MTMR8: variants seen among roughly 807,000 people sequenced by gnomAD.
The protein encoded by MTMR8 is myotubularin related protein 8, also known as phosphatidylinositol-3,5-bisphosphate 3-phosphatase MTMR8.
A neutral mutation model predicts 39.3 loss-of-function variants in MTMR8; 65 were observed. The ratio of observed to expected loss-of-function variants is 1.65; its 90% CI spans 1.35 to 2.03. The LOEUF (loss-of-function observed/expected upper bound fraction) is 2.03. Ranked by LOEUF, MTMR8 falls within the 30% of genes most tolerant of loss-of-function variation. The probability of loss-of-function intolerance (pLI) is 0.00; values close to 1 mark genes in which losing one functional copy is unlikely to be tolerated. For synonymous variants in MTMR8, 245 were observed against 185.2 expected (o/e 1.32, Z -2.62); for missense variants, 777 against 538.9 (o/e 1.44, Z -4.37).
chrX:64,395,096 G>C (rs765274858), intron 1 of MTMR8, among the ~76,000 whole-genome samples: 13 of 112,166 alleles, frequency 1.2e-4, no homozygotes, highest in Admixed American at 2.8e-4. Context: ...AGGAGCGGGG[G>C]CGGCGTCGCG....
chrX:64,295,468 A>C (rs1254358545), intron 12 of MTMR8, among the ~76,000 whole-genome samples: 1 of 111,516 alleles, frequency 9.0e-6, no homozygotes, highest in African/African-American at 3.3e-5. Flanking sequence ...AAATTGATAA[A>C]CTGTACTTTA....
intron 12 of MTMR8, among the ~76,000 whole-genome samples, chrX:64,285,338 C>T (rs914090845): frequency 1.8e-5 from 2 of 111,140 alleles, no homozygotes; most frequent in Non-Finnish European, 3.8e-5. Context: ...CCTTAGAGAC[C>T]TATAAAGAGA....
chrX:64,343,467 G>T (rs953336275), intron 8 of MTMR8, 144 bp downstream of exon 8: 1 of 407,984 alleles, frequency 2.5e-6, no homozygotes, highest in African/African-American at 2.5e-5. Context: ...AAAGAGACTT[G>T]CCCAAGGGCA....
intron 12 of MTMR8, among the ~76,000 whole-genome samples, chrX:64,288,572 T>C (rs925672776): frequency 3.6e-5 from 4 of 111,692 alleles, no homozygotes; most frequent in Non-Finnish European, 7.5e-5. Flanking sequence ...TGCAAACATA[T>C]GTTTATTGCG....
At chrX:64,292,023 A>G (rs1437402248) in intron 12 of MTMR8, among the ~76,000 whole-genome samples, 1 of 111,958 alleles carries the variant, frequency 8.9e-6, no homozygotes, top group East Asian at 2.8e-4. Flanking sequence ...GGGTTACCCC[A>G]GATCCCATAA....
chrX:64,280,479 C>T (rs750373046), intron 12 of MTMR8, among the ~76,000 whole-genome samples: 3 of 111,698 alleles, frequency 2.7e-5, no homozygotes, highest in South Asian at 3.8e-4. Context: ...GCAGAAAAGG[C>T]CTTCGATAAA....
chrX:64,282,144 C>A (rs1457787534), intron 12 of MTMR8, among the ~76,000 whole-genome samples: 2 of 111,477 alleles, frequency 1.8e-5, no homozygotes, highest in Non-Finnish European at 3.8e-5. Flanking sequence ...AGTTCAACCA[C>A]TGTGGAAGAC....
chrX:64,347,239 C>G (rs768183603), intron 6 of MTMR8, among the ~76,000 whole-genome samples: 76 of 110,689 alleles, frequency 6.9e-4, no homozygotes, highest in Non-Finnish European at 1.3e-3. Flanking sequence ...AAAATGGAAC[C>G]TGTTAAAAAA....
At chrX:64,343,940 C>T (rs1264356477) in intron 7 of MTMR8, among the ~76,000 whole-genome samples, 1 of 111,222 alleles carries the variant, frequency 9.0e-6, no homozygotes, top group African/African-American at 3.3e-5. Flanking sequence ...AACCCACTCT[C>T]AAGCCCTTAG....
At position 64,350,534 on chromosome X, in the gene MTMR8, A is replaced by G. The variant is rs776004088; in HGVS notation, c.469-464T>C. ...TTCTAGAAAATAATAGCACACTTGG[A>G]AAAGCTTTTATACCAAGGATATTTT... On this transcript the variant is annotated intron_variant, in intron 4 of 13. Transcript: ENST00000374852. Among the ~76,000 whole-genome samples the G allele has an allele frequency of 2.7e-5, 3 of 111,812 alleles. 1 individual carries two copies. In the East Asian group the frequency reaches 8.4e-4, roughly 31 times the overall value.
chrX:64,347,470 T>G (rs565513379), intron 6 of MTMR8, among the ~76,000 whole-genome samples: 2 of 111,514 alleles, frequency 1.8e-5, no homozygotes, highest in South Asian at 3.8e-4. Context: ...GAAAGGGAAA[T>G]TATTTTCTCT....
chrX:64,314,606 G>A (rs765294990), intron 12 of MTMR8, among the ~76,000 whole-genome samples: 18 of 113,160 alleles, frequency 1.6e-4, no homozygotes, highest in South Asian at 3.6e-4. Flanking sequence ...GTACAGCAGC[G>A]GTGGAGGGTA....
At chrX:64,270,616 A>G (rs1270648217) in intron 13 of MTMR8, among the ~76,000 whole-genome samples, 4 of 112,281 alleles carry the variant, frequency 3.6e-5, no homozygotes, top group Non-Finnish European at 7.5e-5. Context: ...AGTATACCCA[A>G]GATGTTATAC....
At chrX:64,380,746 C>T (rs1188146639) in intron 1 of MTMR8, among the ~76,000 whole-genome samples, 2 of 111,443 alleles carry the variant, frequency 1.8e-5, no homozygotes, top group African/African-American at 6.5e-5. Flanking sequence ...CCTCCCCCCT[C>T]CTTCCACCCT....
chrX:64,330,858 GA>G (rs1333658767), intron 11 of MTMR8, among the ~76,000 whole-genome samples: 1 of 111,502 alleles, frequency 9.0e-6, no homozygotes, highest in African/African-American at 3.3e-5. Context: ...AGAATATTTA[GA>G]AAAAACATCC....
chrX:64,331,742 A>G lies in MTMR8; in HGVS notation c.1167T>C (p.Asp389=), dbSNP rs1333917125. 2 of 1,207,424 alleles carry G rather than the reference A, an allele frequency of 1.7e-6. No homozygotes were observed. Among genetic ancestry groups the G allele is most frequent in the Non-Finnish European group, 2.2e-6 (2 of 892,066 alleles). Residue 389 remains aspartate (D), a synonymous_variant, in exon 11 of 14, where the codon GAT becomes GAC. Transcript: ENST00000374852. ...HKFSQRCGHL[D]GDSKEVSPIF... ...TAGGGGACACTTCTTTAGAGTCCCC[A>G]TCGAGGTGGCCACACCTGAGAGATG...
intron 12 of MTMR8, among the ~76,000 whole-genome samples, chrX:64,296,571 TG>T (rs1465010275): frequency 1.8e-4 from 17 of 96,415 alleles, no homozygotes; most frequent in African/African-American, 6.3e-4. Flanking sequence ...GACCCTATGC[TG>T]GTTTTTTTTT....
chrX:64,320,939 G>A (rs190888091), intron 12 of MTMR8, among the ~76,000 whole-genome samples: 8 of 111,812 alleles, frequency 7.2e-5, no homozygotes, highest in South Asian at 3.7e-4. Flanking sequence ...AAATCTCTGC[G>A]AAATCACTAT....
chrX:64,282,262 T>C lies in MTMR8; in HGVS notation c.1482-11189A>G, dbSNP rs898054456. 2.7e-5 allele frequency among the ~76,000 whole-genome samples: 3 copies of C among 111,055 alleles called. No individual in the cohort carries two copies. The South Asian group carries it at 1.1e-3, about 42-fold the overall frequency. On this transcript the variant is annotated intron_variant, in intron 12 of 13. Transcript: ENST00000374852. The stretch of plus-strand genomic sequence containing the variant: ...TATAAATAATTATATTATAAAGATA[T>C]AAGCACACATATGTTTATTGCAGCA...
Sources: allele counts gnomAD v4.1 joint callset (sites outside exome capture counted in the v4.1 genomes callset), GRCh38; gene constraint gnomAD v4.1.1; transcripts MANE v1.5; gene names NCBI Gene and HGNC (gene_info 2026-07-23, HGNC 2026-07-21).